Variants in ELOVL7 observed in about 807,000 individuals in gnomAD.
ELOVL7 encodes ELOVL fatty acid elongase 7.
In ELOVL7, 27 loss-of-function variants were observed where a neutral mutation model predicts 35.7. The observed-to-expected ratio is 0.76, with a 90% confidence interval of 0.56 to 1.04. The LOEUF is 1.04. ELOVL7 is among the 50% of genes least tolerant of loss of function. The probability of loss-of-function intolerance (pLI) is 0.00; values close to 1 mark genes in which losing one functional copy is unlikely to be tolerated. For missense variants in ELOVL7, 327 were observed against 340.8 expected, an observed-to-expected ratio of 0.96 and a Z score of 0.32; for synonymous variants, 113 against 114.6, an observed-to-expected ratio of 0.99 and a Z score of 0.09.
chr5:60,787,223 G>A, intron 3 of ELOVL7, 111 bp downstream of exon 3: 3 of 828,330 alleles, frequency 3.6e-6, no homozygotes, highest in Non-Finnish European at 5.8e-6. Context: ...TAGTAATAAG[G>A]GACTGTTAAG....
At chr5:60,798,550 T>A (rs187751463) in intron 2 of ELOVL7, among the ~76,000 whole-genome samples, 1 of 151,936 alleles carries the variant, frequency 6.6e-6, no homozygotes, top group Non-Finnish European at 1.5e-5. Context: ...AATAAAGCTG[T>A]AAAAAAAATT....
intron 1 of ELOVL7, among the ~76,000 whole-genome samples, chr5:60,831,331 C>T (rs549585065): frequency 6.6e-6 from 1 of 152,272 alleles, no homozygotes; most frequent in South Asian, 2.1e-4. Context: ...AAGCATTTTA[C>T]ATATATTATT....
intron 1 of ELOVL7, among the ~76,000 whole-genome samples, chr5:60,839,028 A>AT (rs1561479485): frequency 8.1e-5 from 12 of 148,228 alleles, no homozygotes; most frequent in African/African-American, 2.2e-4. Context: ...TGTCAAAAAA[A>AT]AATATATATA....
At chr5:60,761,515 G>A (rs1741908803) in intron 7 of ELOVL7, among the ~76,000 whole-genome samples, 1 of 152,140 alleles carries the variant, frequency 6.6e-6, no homozygotes, top group Non-Finnish European at 1.5e-5. Flanking sequence ...ACTGAAATAG[G>A]TATCAGGTCT....
intron 1 of ELOVL7, among the ~76,000 whole-genome samples, chr5:60,823,762 G>C (rs897465873): frequency 6.6e-6 from 1 of 152,216 alleles, no homozygotes; most frequent in African/African-American, 2.4e-5. Flanking sequence ...ATCACCTAAA[G>C]AACATGAGTA....
At chr5:60,765,396 G>A (rs529997889) in intron 6 of ELOVL7, among the ~76,000 whole-genome samples, 1 of 152,276 alleles carries the variant, frequency 6.6e-6, no homozygotes, top group South Asian at 2.1e-4. Context: ...TATCCAAGAA[G>A]CTTTTTAAAA....
chr5:60,784,242 G>A (rs1743432656), intron 3 of ELOVL7: 3 of 856,038 alleles, frequency 3.5e-6, no homozygotes, highest in African/African-American at 1.7e-5. Flanking sequence ...TGTACCTTAA[G>A]TACTTTTTGA....
At chr5:60,799,992 A>G (rs982070941) in intron 1 of ELOVL7, among the ~76,000 whole-genome samples, 15 of 146,098 alleles carry the variant, frequency 1.0e-4, no homozygotes, top group African/African-American at 3.0e-4. Flanking sequence ...AGCTGAGATC[A>G]CGCTATTGCA....
chr5:60,761,737 G>T (rs1741923752), intron 7 of ELOVL7, among the ~76,000 whole-genome samples: 1 of 152,096 alleles, frequency 6.6e-6, no homozygotes, highest in African/African-American at 2.4e-5. Flanking sequence ...TAAAAATAGG[G>T]AGGTTAGGAG....
At chr5:60,771,572 G>T (rs1466576046) in intron 4 of ELOVL7, among the ~76,000 whole-genome samples, 1 of 152,060 alleles carries the variant, frequency 6.6e-6, no homozygotes, top group Non-Finnish European at 1.5e-5. Context: ...TCAAATATCA[G>T]CCCTCCACTT....
At position 60,766,633 on chromosome 5, in the gene ELOVL7, G is replaced by A. The variant is rs1742253379; in HGVS notation, c.337-3C>T. ...TAAAGCCAGCAGGTACGTGCCATCT[G>A]CAGAAGCACAAATAAATCTAAATTT... is the stretch of plus-strand genomic sequence containing the variant. On this transcript the variant is annotated splice_polypyrimidine_tract_variant and splice_region_variant and intron_variant, in intron 5 of 8. Coordinates refer to ENST00000508821, the MANE Select transcript of ELOVL7 (RefSeq NM_024930.3). 1 of 1,609,930 alleles carries A rather than the reference G, an allele frequency of 6.2e-7. No homozygotes were observed. Among genetic ancestry groups the A allele is most frequent in the Admixed American group, 1.7e-5 (1 of 59,302 alleles).
In ELOVL7 at chr5:60,764,348, G is replaced by C. The variant is rs1223668460; in HGVS notation, c.394-16C>G. 3 of 1,568,120 alleles carry C rather than the reference G, an allele frequency of 1.9e-6. No homozygotes were observed. The South Asian group carries it at 3.3e-5, about 17-fold the overall frequency. On this transcript the variant is annotated splice_polypyrimidine_tract_variant and intron_variant, in intron 6 of 8. Transcript: ENST00000508821. ...CAAAAAAGATCTGAAATAATTTAAAGAATATCAAGTTCACAGAAAATCATT... is the reference window on the plus strand; with the variant it reads ...CAAAAAAGATCTGAAATAATTTAAACAATATCAAGTTCACAGAAAATCATT...
In ELOVL7 at chr5:60,794,629, G is replaced by A. The variant is rs924126033; in HGVS notation, c.-35+4551C>T. Among the ~76,000 whole-genome samples the A allele has an allele frequency of 3.3e-5, 5 of 152,176 alleles. No individual in the cohort carries two copies. In the South Asian group the frequency reaches 6.2e-4, roughly 19 times the overall value. On this transcript the variant is annotated intron_variant, in intron 2 of 8. Coordinates refer to ENST00000508821, the MANE Select transcript of ELOVL7 (RefSeq NM_024930.3). ...AGACATTGGAGACACTGTACCTGAGGGAAAGGAGTGGTAGAACCAGCACAT... is the reference window on the plus strand; with the variant it reads ...AGACATTGGAGACACTGTACCTGAGAGAAAGGAGTGGTAGAACCAGCACAT...
At chr5:60,765,571 G>A (rs2112155304) in intron 6 of ELOVL7, among the ~76,000 whole-genome samples, 1 of 152,230 alleles carries the variant, frequency 6.6e-6, no homozygotes, top group East Asian at 1.9e-4. Flanking sequence ...GGACCAATAA[G>A]TATTAGCATC....
intron 2 of ELOVL7, among the ~76,000 whole-genome samples, chr5:60,793,739 C>G (rs888745216): frequency 6.6e-6 from 1 of 152,000 alleles, no homozygotes; most frequent in African/African-American, 2.4e-5. Flanking sequence ...TAAAGAGGTG[C>G]CAGCTGCATA....
intron 3 of ELOVL7, among the ~76,000 whole-genome samples, chr5:60,783,158 T>A (rs1400853823): frequency 6.6e-6 from 1 of 152,176 alleles, no homozygotes; most frequent in Non-Finnish European, 1.5e-5. Context: ...CTCACCTGTA[T>A]TTAGGGCTAC....
intron 2 of ELOVL7, among the ~76,000 whole-genome samples, chr5:60,798,805 CATAAA>C (rs1038748388): frequency 2.6e-5 from 4 of 152,116 alleles, no homozygotes. Context: ...ATCATGAAGA[CATAAA>C]ATAAATAAGG....
At chr5:60,791,699 G>A (rs1038086549) in intron 2 of ELOVL7, among the ~76,000 whole-genome samples, 3 of 151,992 alleles carry the variant, frequency 2.0e-5, no homozygotes, top group Non-Finnish European at 4.4e-5. Flanking sequence ...TCTTCCAATT[G>A]TCTTAGTATG....
intron 7 of ELOVL7, among the ~76,000 whole-genome samples, chr5:60,761,775 A>G (rs1379240277): frequency 6.6e-6 from 1 of 152,152 alleles, no homozygotes; most frequent in East Asian, 1.9e-4. Flanking sequence ...AATATATCGT[A>G]TAGAGTTCTG....
Sources: gnomAD v4.1 joint callset for allele counts (sites outside exome capture counted in the v4.1 genomes callset) on GRCh38, gnomAD v4.1.1 for gene constraint, MANE v1.5 for transcripts, NCBI Gene and HGNC (gene_info 2026-07-23, HGNC 2026-07-21) for gene names.